Variants in RADIL observed in about 807,000 individuals in gnomAD.
RADIL encodes Rap associating with DIL domain, also known as ras-associating and dilute domain-containing protein.
In RADIL, 99 loss-of-function variants were observed where a neutral mutation model predicts 97.6. The ratio of observed to expected loss-of-function variants is 1.01; its 90% CI spans 0.86 to 1.20. RADIL has a LOEUF of 1.20. Ranked by LOEUF, RADIL falls within the 50% of genes most tolerant of loss-of-function variation. The probability of loss-of-function intolerance (pLI) is 0.00; values close to 1 mark genes in which losing one functional copy is unlikely to be tolerated. For missense variants in RADIL, 1,765 were observed against 1,498.9 expected, an observed-to-expected ratio of 1.18 and a Z score of -2.93; for synonymous variants, 803 against 691.8, an observed-to-expected ratio of 1.16 and a Z score of -2.52.
Position 4,864,047 on chromosome 7 carries a change from C to T in RADIL, c.535+13558G>A, listed in dbSNP as rs188905860. ...TTATCCAACATTTCCAGGCACTTTA[C>T]ATAGAAAGATTTTCTGGGATAATTA... On this transcript the variant is annotated intron_variant, in intron 2 of 14. Coordinates refer to ENST00000399583, the MANE Select transcript of RADIL (RefSeq NM_018059.5). Among the ~76,000 whole-genome samples, 854 of 152,300 alleles carry T rather than the reference C, an allele frequency of 5.6e-3. 3 individuals are homozygous for T. The highest frequency in any genetic ancestry group is 0.014 in the Middle Eastern group (4 of 294).
At position 4,878,063 on chromosome 7, in the gene RADIL, C is replaced by A. The variant is rs1470731368; in HGVS notation, c.77G>T (p.Ser26Ile). 12 of 1,601,352 alleles carry A rather than the reference C, an allele frequency of 7.5e-6. No individual in the cohort carries two copies. The highest frequency in any genetic ancestry group is 1.0e-5 in the Non-Finnish European group (12 of 1,174,932). The change falls in exon 2 of 15, where the codon AGC becomes ATC. Residue 26 changes from serine (S) to isoleucine (I), a missense_variant. Coordinates refer to ENST00000399583, the MANE Select transcript of RADIL (RefSeq NM_018059.5). This position sits in a 1 kb window ranked among gnomAD's most constrained non-coding sequence, Gnocchi z 4.1. ...GTAGCTCAGCGTCCGGGACAGCATGCTGGACAACAGCTGGCTCTGCCGCTT... is the reference window on the plus strand; with the variant it reads ...GTAGCTCAGCGTCCGGGACAGCATGATGGACAACAGCTGGCTCTGCCGCTT... ...KLKRQSQLLS[S>I]MLSRTLSYKY...
intron 2 of RADIL, among the ~76,000 whole-genome samples, chr7:4,851,819 A>G (rs1414400682): frequency 2.6e-5 from 4 of 152,248 alleles, no homozygotes; most frequent in Admixed American, 2.6e-4. Context: ...AAGAGATGCC[A>G]AAAGTCAGAA....
intron 2 of RADIL, chr7:4,865,727 T>C (rs887284750): frequency 2.4e-5 from 26 of 1,073,038 alleles, no homozygotes; most frequent in Non-Finnish European, 3.7e-5. Context: ...ACGGGGTGGG[T>C]GCAATCAAGA....
intron 2 of RADIL, chr7:4,861,802 C>CCCT: frequency 6.9e-7 from 1 of 1,455,958 alleles, no homozygotes; most frequent in South Asian, 1.6e-5. Flanking sequence ...TCACCGGAAA[C>CCCT]GGCATCATCT....
In RADIL at chr7:4,837,122, G is replaced by T. The variant is rs1783321806; in HGVS notation, c.536-517C>A. Among the ~76,000 whole-genome samples the T allele has an allele frequency of 6.6e-6, 1 of 152,168 alleles. No homozygotes were observed. The highest frequency in any genetic ancestry group is 1.5e-5 in the Non-Finnish European group (1 of 68,030). On this transcript the variant is annotated intron_variant, in intron 2 of 14. Coordinates refer to ENST00000399583, the MANE Select transcript of RADIL (RefSeq NM_018059.5). The surrounding 1 kb of genome is among the most constrained non-coding windows in gnomAD (Gnocchi z 5.6). ...CCAGACAGTGCCTTGGCACCACCGT[G>T]GCACCCACAGAACAGTCTCAGAGCA...
rs73316124 is a variant in RADIL, at chr7:4,842,575, A to C, written c.536-5970T>G. On this transcript the variant is annotated intron_variant, in intron 2 of 14. Transcript: ENST00000399583. The surrounding 1 kb of genome is among the most constrained non-coding windows in gnomAD (Gnocchi z 4.5). ...TGGTGACCGTCACCAGCTCCCACGG[A>C]CTCTGAACAGCCCTGGAAAGAAAAA... Among the ~76,000 whole-genome samples, 3,298 of 152,066 alleles carry C rather than the reference A, an allele frequency of 0.022. 123 individuals carry two copies. Among genetic ancestry groups the C allele is most frequent in the African/African-American group, 0.076 (3,158 of 41,476 alleles).
chr7:4,828,620 TA>T (rs1337689734), intron 5 of RADIL, among the ~76,000 whole-genome samples: 1 of 152,232 alleles, frequency 6.6e-6, no homozygotes, highest in African/African-American at 2.4e-5. Flanking sequence ...AACAAAATGT[TA>T]GTAATATTAA....
intron 2 of RADIL, chr7:4,861,762 G>C: frequency 6.7e-7 from 1 of 1,488,156 alleles, no homozygotes; most frequent in South Asian, 1.4e-5. Context: ...CGATTCGGCG[G>C]CGGCGCCGGC....
chr7:4,800,395 G>C, intron 12 of RADIL, 85 bp from the exon 13 acceptor site: 1 of 1,343,474 alleles, frequency 7.4e-7, no homozygotes, highest in Non-Finnish European at 9.7e-7. Context: ...GGCTGCCTCT[G>C]TAGGGCGTCA....
intron 2 of RADIL, chr7:4,859,028 C>T (rs1376861060): frequency 2.0e-5 from 3 of 152,164 alleles, no homozygotes; most frequent in East Asian, 1.9e-4. Context: ...TGTGTCCTTT[C>T]TCCATAGTGT....
rs571068712 is a variant in RADIL at position 4,835,381 on chromosome 7, C to G, written c.784-142G>C. On this transcript the variant is annotated intron_variant, in intron 3 of 14. Coordinates refer to ENST00000399583, the MANE Select transcript of RADIL (RefSeq NM_018059.5). The surrounding 1 kb of genome is among the most constrained non-coding windows in gnomAD (Gnocchi z 5.8). ...CTCCATGTCCCTGGCCACCCCCACA[C>G]CAGAACCCCGACGGCTCTCAGGAAC... The G allele has an allele frequency of 2.5e-5, 28 of 1,111,482 alleles. No homozygotes were observed. In the South Asian group the frequency reaches 4.3e-4, roughly 17 times the overall value. The allele number at this position is 1,111,482 out of a possible 1,614,324, so 68.9% of individuals were successfully genotyped here.
Position 4,813,803 on chromosome 7 carries a change from C to G in RADIL, c.2139+1475G>C, listed in dbSNP as rs1342331581. ...GCAGGCTCAGCTGCTCCATCCAAGC[C>G]TCAGTGCTTGCCACAATGTCTATCA... On this transcript the variant is annotated intron_variant, in intron 9 of 14. Coordinates refer to ENST00000399583, the MANE Select transcript of RADIL (RefSeq NM_018059.5). This position sits in a 1 kb window ranked among gnomAD's most constrained non-coding sequence, Gnocchi z 5.0. Among the ~76,000 whole-genome samples, 1 of 152,234 alleles carries G rather than the reference C, an allele frequency of 6.6e-6. No homozygotes were observed. Among genetic ancestry groups the G allele is most frequent in the Non-Finnish European group, 1.5e-5 (1 of 68,046 alleles).
intron 9 of RADIL, chr7:4,809,495 C>T: frequency 2.0e-6 from 2 of 985,342 alleles, no homozygotes; most frequent in Non-Finnish European, 2.4e-6. Flanking sequence ...GTGTGTCCAG[C>T]CCCCAAAACA....
intron 9 of RADIL, among the ~76,000 whole-genome samples, chr7:4,807,405 G>T (rs750700361): frequency 1.3e-5 from 2 of 151,964 alleles, no homozygotes; most frequent in Non-Finnish European, 2.9e-5. Context: ...TTCTGTGCTT[G>T]GTCCGGGACC....
In RADIL at chr7:4,816,215, A is replaced by C. The variant is rs139411177; in HGVS notation, c.1966+13T>G. 0.021 allele frequency: 34,290 copies of C among 1,603,334 alleles called. 462 individuals carry two copies. Among genetic ancestry groups the C allele is most frequent in the Middle Eastern group, 0.052 (315 of 6,024 alleles). ...TGAGCCCCCGACCCCTCAACCCTGCACGAGGCCCTCACCCCTGTCGAGGAG... is the reference window on the plus strand; with the variant it reads ...TGAGCCCCCGACCCCTCAACCCTGCCCGAGGCCCTCACCCCTGTCGAGGAG... On this transcript the variant is annotated intron_variant, in intron 8 of 14. Transcript: ENST00000399583.
chr7:4,836,582 G>T lies in RADIL; in HGVS notation c.559C>A (p.Leu187Met). The change falls in exon 3 of 15, where the codon CTG becomes ATG. Residue 187 changes from leucine (L) to methionine (M), a missense_variant. Leu to Met is a conservative substitution (Grantham distance 15). Transcript: ENST00000399583. ...TAGINAQARR[L>M]QRSRAKGTPT... ...GTTCCCTTCGCGCGACTCCGCTGCA[G>T]CCTCCGGGCCTGGGCGTTTATCCCT... is the stretch of plus-strand genomic sequence containing the variant. 6.2e-7 allele frequency: 1 copy of T among 1,606,956 alleles called. No individual in the cohort carries two copies.
At position 4,814,622 on chromosome 7, in the gene RADIL, C is replaced by T. The variant is rs1434947007; in HGVS notation, c.2139+656G>A. 2.0e-5 allele frequency among the ~76,000 whole-genome samples: 3 copies of T among 152,140 alleles called. No individual in the cohort carries two copies. The highest frequency in any genetic ancestry group is 4.4e-5 in the Non-Finnish European group (3 of 68,028). ...GAGGGGCATGTCGGTTTCCCATTGC[C>T]GTTGTGACAAATGCCCACACGCCTG... On this transcript the variant is annotated intron_variant, in intron 9 of 14. Transcript: ENST00000399583. The surrounding 1 kb of genome is among the most constrained non-coding windows in gnomAD (Gnocchi z 4.5).
At position 4,803,565 on chromosome 7, in the gene RADIL, G is replaced by A. The variant is rs1782191281; in HGVS notation, c.2480C>T (p.Ser827Phe). The change falls in exon 11 of 15, where the codon TCC (serine) becomes TTC (phenylalanine). Residue 827 changes from serine (S) to phenylalanine (F), a missense_variant. Coordinates refer to ENST00000399583, the MANE Select transcript of RADIL (RefSeq NM_018059.5). ...GSPGRPGSGASQPVCPEGMHH... is the reference protein window; with the variant it reads ...GSPGRPGSGAFQPVCPEGMHH... Reference sequence around the variant, plus strand: ...GGGTACCTCGGGGCACACTGGCTGGGAGGCCCCACTGCCAGGCCTGCCAGG... The same window carrying A: ...GGGTACCTCGGGGCACACTGGCTGGAAGGCCCCACTGCCAGGCCTGCCAGG... 1 of 1,541,978 alleles carries A rather than the reference G, an allele frequency of 6.5e-7. No homozygotes were observed. Among genetic ancestry groups the A allele is most frequent in the African/African-American group, 1.4e-5 (1 of 71,240 alleles).
chr7:4,850,856 C>T (rs951234277), intron 2 of RADIL, among the ~76,000 whole-genome samples: 2 of 152,062 alleles, frequency 1.3e-5, no homozygotes, highest in Admixed American at 6.6e-5. Flanking sequence ...TTGTGGAAAA[C>T]GTAAGTTAAA....
Sources: allele counts gnomAD v4.1 joint callset (sites outside exome capture counted in the v4.1 genomes callset), GRCh38; gene constraint gnomAD v4.1.1; non-coding constraint Gnocchi (gnomAD v3.1); transcripts MANE v1.5; gene names NCBI Gene and HGNC (gene_info 2026-07-23, HGNC 2026-07-21).